Variants in LRRIQ3 observed in about 807,000 individuals in gnomAD.
LRRIQ3 encodes leucine-rich repeat and IQ domain-containing protein 3.
Under a neutral mutation model 59.3 loss-of-function variants are expected in LRRIQ3, and 75 were observed. The observed-to-expected ratio is 1.26, with a 90% CI of 1.05 to 1.53. The LOEUF is 1.53. Ranked by LOEUF, LRRIQ3 falls within the 40% of genes most tolerant of loss-of-function variation. The pLI, the probability that LRRIQ3 is intolerant of heterozygous loss-of-function variation, is 0.00. For synonymous variants in LRRIQ3, 250 were observed against 231.3 expected, an observed-to-expected ratio of 1.08 and a Z score of -0.73; for missense variants, 831 against 710.0, an observed-to-expected ratio of 1.17 and a Z score of -1.94.
At chr1:74,035,835 C>T (rs574492955) in intron 7 of LRRIQ3, among the ~76,000 whole-genome samples, 1 of 152,184 alleles carries the variant, frequency 6.6e-6, no homozygotes, top group African/African-American at 2.4e-5. Context: ...TTGATCTCCC[C>T]TAGCTTTACC....
At chr1:74,132,194 C>T (rs1336717113) in intron 4 of LRRIQ3, among the ~76,000 whole-genome samples, 1 of 152,030 alleles carries the variant, frequency 6.6e-6, no homozygotes, top group Non-Finnish European at 1.5e-5. Flanking sequence ...TCAAGGAGAA[C>T]TACAAACGAC....
At chr1:74,053,177 C>CAAAA (rs11403724) in intron 6 of LRRIQ3, among the ~76,000 whole-genome samples, 1 of 100,944 alleles carries the variant, frequency 9.9e-6, no homozygotes, top group Non-Finnish European at 1.8e-5. Context: ...CTCCACATGC[C>CAAAA]AAAAAAAAAA....
intron 4 of LRRIQ3, among the ~76,000 whole-genome samples, chr1:74,142,985 C>T (rs1647327111): frequency 6.6e-6 from 1 of 151,974 alleles, no homozygotes; most frequent in Non-Finnish European, 1.5e-5. Flanking sequence ...AAAGCAAACA[C>T]ACAAAATATT....
At chr1:74,109,989 T>C (rs922763014) in intron 4 of LRRIQ3, among the ~76,000 whole-genome samples, 1 of 151,894 alleles carries the variant, frequency 6.6e-6, no homozygotes, top group Admixed American at 6.6e-5. Context: ...CTAGGAAATA[T>C]ACTCTAGAGC....
intron 3 of LRRIQ3, among the ~76,000 whole-genome samples, chr1:74,161,201 C>A (rs765888656): frequency 6.6e-6 from 1 of 151,866 alleles, no homozygotes; most frequent in Admixed American, 6.6e-5. Context: ...TTACAAAGAA[C>A]ACGAATCCTA....
In LRRIQ3 at chr1:74,148,176, A is replaced by G. The variant is rs186654206; in HGVS notation, c.707+7557T>C. Among the ~76,000 whole-genome samples, 28 of 152,258 alleles carry G rather than the reference A, an allele frequency of 1.8e-4. 1 individual carries two copies. The highest frequency in any genetic ancestry group is 1.6e-3 in the Admixed American group (24 of 15,288). On this transcript the variant is annotated intron_variant, in intron 4 of 7. Transcript: ENST00000354431. ...CATTGACATCTGTACATCTGGTGTT[A>G]ACAGTTGCTTTTTCCAAATTTTGTA...
intron 4 of LRRIQ3, among the ~76,000 whole-genome samples, chr1:74,141,534 C>T (rs2100637858): frequency 6.6e-6 from 1 of 151,794 alleles, no homozygotes; most frequent in Non-Finnish European, 1.5e-5. Context: ...TTTAAAATTT[C>T]TAAATGTTTT....
At chr1:74,049,519 G>A (rs1654299197) in intron 6 of LRRIQ3, among the ~76,000 whole-genome samples, 2 of 152,112 alleles carry the variant, frequency 1.3e-5, no homozygotes, top group Non-Finnish European at 2.9e-5. Flanking sequence ...AGAAGGGGCT[G>A]CTGATAACTT....
chr1:74,121,655 C>G (rs1209253099), intron 4 of LRRIQ3, among the ~76,000 whole-genome samples: 3 of 152,022 alleles, frequency 2.0e-5, no homozygotes, highest in African/African-American at 7.2e-5. Context: ...CATATGTATA[C>G]ATGTGCCATG....
At chr1:74,130,693 A>G (rs577308049) in intron 4 of LRRIQ3, among the ~76,000 whole-genome samples, 1 of 152,110 alleles carries the variant, frequency 6.6e-6, no homozygotes, top group Non-Finnish European at 1.5e-5. Context: ...ACGGTGCGTT[A>G]CCTCTTTCAA....
At position 74,192,535 on chromosome 1, in the gene LRRIQ3, T is replaced by C. The variant is rs1312702957; in HGVS notation, c.-1+5461A>G. On this transcript the variant is annotated intron_variant, in intron 1 of 7. Coordinates refer to ENST00000354431, the MANE Select transcript of LRRIQ3 (RefSeq NM_001105659.2). Reference sequence around the variant, plus strand: ...TTTAAAATCTTCTCAACTGGTTTCTTTTTAGTTGATGTGATATGAACACTA... The same window carrying C: ...TTTAAAATCTTCTCAACTGGTTTCTCTTTAGTTGATGTGATATGAACACTA... Among the ~76,000 whole-genome samples the C allele has an allele frequency of 3.9e-5, 6 of 152,150 alleles. No homozygotes were observed. In the East Asian group the frequency reaches 1.2e-3, roughly 29 times the overall value.
chr1:74,047,363 G>A (rs1654236234), intron 6 of LRRIQ3, among the ~76,000 whole-genome samples: 1 of 152,102 alleles, frequency 6.6e-6, no homozygotes. Flanking sequence ...AACACCACAT[G>A]TTCTCACTCA....
At chr1:74,101,195 C>T (rs892957623) in intron 5 of LRRIQ3, among the ~76,000 whole-genome samples, 1 of 152,040 alleles carries the variant, frequency 6.6e-6, no homozygotes, top group African/African-American at 2.4e-5. Context: ...CTACAAAGCA[C>T]TCAAACAAAC....
intron 6 of LRRIQ3, among the ~76,000 whole-genome samples, chr1:74,072,463 A>C (rs1655053714): frequency 6.6e-6 from 1 of 152,014 alleles, no homozygotes; most frequent in Admixed American, 6.6e-5. Flanking sequence ...GAACCTCCTA[A>C]AATTATAAAT....
intron 7 of LRRIQ3, among the ~76,000 whole-genome samples, chr1:74,030,462 C>G (rs1653668864): frequency 3.3e-5 from 5 of 152,110 alleles, no homozygotes; most frequent in Admixed American, 1.3e-4. Flanking sequence ...TACCACACAT[C>G]TACAACTATC....
At chr1:74,111,085 G>A (rs1363846807) in intron 4 of LRRIQ3, among the ~76,000 whole-genome samples, 3 of 151,884 alleles carry the variant, frequency 2.0e-5, no homozygotes, top group Non-Finnish European at 4.4e-5. Context: ...AATATACTTA[G>A]TCACGAGAGA....
chr1:74,172,064 A>C (rs1570253951), intron 3 of LRRIQ3, among the ~76,000 whole-genome samples: 1 of 152,092 alleles, frequency 6.6e-6, no homozygotes, highest in East Asian at 1.9e-4. Flanking sequence ...AAGCCAACTG[A>C]ATTTTGTTGA....
intron 6 of LRRIQ3, among the ~76,000 whole-genome samples, chr1:74,058,988 A>G (rs1303805716): frequency 6.6e-6 from 1 of 151,982 alleles, no homozygotes; most frequent in Non-Finnish European, 1.5e-5. Context: ...TGTGTTTTTT[A>G]TTATAGCCAT....
intron 5 of LRRIQ3, among the ~76,000 whole-genome samples, chr1:74,105,380 T>C (rs1014682094): frequency 9.2e-5 from 14 of 151,950 alleles, no homozygotes; most frequent in African/African-American, 3.4e-4. Flanking sequence ...GCCTCCCAAG[T>C]AGCTGGGATT....
Sources: gnomAD v4.1 joint callset for allele counts (sites outside exome capture counted in the v4.1 genomes callset) on GRCh38, gnomAD v4.1.1 for gene constraint, MANE v1.5 for transcripts, NCBI Gene and HGNC (gene_info 2026-07-23, HGNC 2026-07-21) for gene names.